The following MAN1A1 variants were observed in gnomAD, a reference collection of about 807,000 sequenced individuals.
MAN1A1 encodes mannosyl-oligosaccharide 1,2-alpha-mannosidase IA.
A neutral mutation model predicts 70.8 loss-of-function variants in MAN1A1; 29 were observed. The observed-to-expected ratio is 0.41, with a 90% CI of 0.31 to 0.56. The LOEUF (loss-of-function observed/expected upper bound fraction) is 0.56, where lower values mean the gene tolerates loss of function less well. Among genes scored for constraint, MAN1A1 ranks in the 20% least tolerant of loss-of-function variants. The pLI, the probability that MAN1A1 is intolerant of heterozygous loss-of-function variation, is 0.29. For missense variants in MAN1A1, 747 were observed against 841.3 expected, an observed-to-expected ratio of 0.89 and a Z score of 1.39; for synonymous variants, 349 against 330.1, an observed-to-expected ratio of 1.06 and a Z score of -0.62.
chr6:119,285,826 C>A (rs569357762), intron 5 of MAN1A1, among the ~76,000 whole-genome samples: 1 of 152,096 alleles, frequency 6.6e-6, no homozygotes, highest in African/African-American at 2.4e-5. Flanking sequence ...TTGTTTATAC[C>A]ACATATTTCT....
At chr6:119,207,246 C>T (rs535722629) in intron 6 of MAN1A1, among the ~76,000 whole-genome samples, 2 of 151,892 alleles carry the variant, frequency 1.3e-5, no homozygotes, top group South Asian at 4.2e-4. Context: ...CTGTCACCAC[C>T]CCCCCAACCC....
chr6:119,249,869 ACT>A lies in MAN1A1; in HGVS notation c.898-1517_898-1516del, dbSNP rs1329741261. The stretch of plus-strand genomic sequence containing the variant: ...CATACCACAGATCTTTTGGAATCTA[ACT>A]CTCATTTAGTAGTGGAAGTCAATAA... On this transcript the variant is annotated intron_variant, in intron 5 of 12. Coordinates refer to ENST00000368468, the MANE Select transcript of MAN1A1 (RefSeq NM_005907.4). 2.0e-5 allele frequency among the ~76,000 whole-genome samples: 3 copies of A among 152,076 alleles called. No individual in the cohort carries two copies. In the East Asian group the frequency reaches 5.8e-4, roughly 29 times the overall value.
intron 5 of MAN1A1, among the ~76,000 whole-genome samples, chr6:119,252,183 G>A (rs778519166): frequency 6.6e-6 from 1 of 152,174 alleles, no homozygotes; most frequent in African/African-American, 2.4e-5. Flanking sequence ...TAAGATTAAT[G>A]ATTAGGTGGG....
intron 7 of MAN1A1, among the ~76,000 whole-genome samples, chr6:119,202,522 T>C (rs1248348882): frequency 6.6e-6 from 1 of 152,212 alleles, no homozygotes; most frequent in East Asian, 1.9e-4. Context: ...TAGTAGTACA[T>C]AAATCAGTAA....
intron 5 of MAN1A1, among the ~76,000 whole-genome samples, chr6:119,270,923 T>C (rs747103337): frequency 1.3e-5 from 2 of 152,226 alleles, no homozygotes; most frequent in Non-Finnish European, 2.9e-5. Flanking sequence ...TTTCTGTGAA[T>C]ATTGCAGTTT....
chr6:119,311,964 C>T (rs1456019565), intron 2 of MAN1A1, among the ~76,000 whole-genome samples: 4 of 152,164 alleles, frequency 2.6e-5, no homozygotes, highest in Admixed American at 1.3e-4. Flanking sequence ...TTGGTGTTGG[C>T]GGGCTCTTGA....
chr6:119,238,201 T>C (rs1429065346), intron 6 of MAN1A1, among the ~76,000 whole-genome samples: 1 of 152,196 alleles, frequency 6.6e-6, no homozygotes, highest in East Asian at 1.9e-4. Flanking sequence ...AGATATTCTA[T>C]AGTTCTCAGT....
intron 11 of MAN1A1, among the ~76,000 whole-genome samples, chr6:119,184,337 G>C (rs1224171175): frequency 6.6e-6 from 1 of 152,198 alleles, no homozygotes; most frequent in African/African-American, 2.4e-5. Context: ...ATATGAGAAT[G>C]TTTATAATGA....
intron 2 of MAN1A1, among the ~76,000 whole-genome samples, chr6:119,312,497 C>A (rs1772738066): frequency 6.6e-6 from 1 of 152,126 alleles, no homozygotes; most frequent in African/African-American, 2.4e-5. Flanking sequence ...AAGAGAATTT[C>A]TCCATGGATC....
At chr6:119,252,802 A>T (rs150640044) in intron 5 of MAN1A1, among the ~76,000 whole-genome samples, 2,191 of 152,016 alleles carry the variant, frequency 0.014, 33 homozygotes, top group African/African-American at 0.04. Context: ...AAAAAAAAAT[A>T]AAAAAAATAA....
chr6:119,188,886 C>A (rs924475777), intron 10 of MAN1A1, among the ~76,000 whole-genome samples: 5 of 152,062 alleles, frequency 3.3e-5, no homozygotes, highest in Non-Finnish European at 7.4e-5. Flanking sequence ...AAGATAAGAA[C>A]AAAAACTCTA....
chr6:119,186,055 T>C (rs530142485), intron 11 of MAN1A1, among the ~76,000 whole-genome samples: 40 of 152,088 alleles, frequency 2.6e-4, no homozygotes, highest in South Asian at 2.5e-3. Flanking sequence ...CTTCGGATAA[T>C]TGAGGAGCTG....
At chr6:119,312,484 T>C (rs1772737834) in intron 2 of MAN1A1, among the ~76,000 whole-genome samples, 1 of 152,134 alleles carries the variant, frequency 6.6e-6, no homozygotes, top group African/African-American at 2.4e-5. Flanking sequence ...ACTTATCCAT[T>C]GGAAGAGAAT....
At chr6:119,231,929 A>G (rs1035845316) in intron 6 of MAN1A1, among the ~76,000 whole-genome samples, 2 of 152,224 alleles carry the variant, frequency 1.3e-5, no homozygotes, top group Non-Finnish European at 1.5e-5. Context: ...CTTTAGAGAA[A>G]GATTTTGAAC....
At chr6:119,262,844 T>G (rs1386444826) in intron 5 of MAN1A1, among the ~76,000 whole-genome samples, 1 of 152,212 alleles carries the variant, frequency 6.6e-6, no homozygotes, top group Non-Finnish European at 1.5e-5. Context: ...TCAACTTGAT[T>G]GGACTGAGGG....
At chr6:119,232,814 T>C (rs530051718) in intron 6 of MAN1A1, among the ~76,000 whole-genome samples, 2 of 152,172 alleles carry the variant, frequency 1.3e-5, no homozygotes, top group South Asian at 4.2e-4. Context: ...ATTCATAATT[T>C]TCCTGACTCC....
rs185156196 is a variant in MAN1A1, at chr6:119,244,546, A to T, written c.992+3714T>A. Among the ~76,000 whole-genome samples the T allele has an allele frequency of 1.2e-3, 182 of 151,754 alleles. 1 individual carries two copies. The highest frequency in any genetic ancestry group is 4.1e-3 in the African/African-American group (171 of 41,392). ...AGATGTGGCAGAAAAGACAATTAAA[A>T]TTTTTTTTTCTGAACCGCTTTTGGG... On this transcript the variant is annotated intron_variant, in intron 6 of 12. Transcript: ENST00000368468.
chr6:119,226,388 C>G (rs1774515261), intron 6 of MAN1A1, among the ~76,000 whole-genome samples: 1 of 152,084 alleles, frequency 6.6e-6, no homozygotes, highest in African/African-American at 2.4e-5. Flanking sequence ...CGAGGGAACC[C>G]TAATCTTTAA....
Position 119,306,980 on chromosome 6 carries a change from C to A in MAN1A1, c.616G>T (p.Ala206Ser). The change falls in exon 3 of 13, where the codon GCT becomes TCT. Residue 206 changes from alanine to serine, a missense_variant. By Grantham distance (99) the Ala-to-Ser change is moderately conservative. Coordinates refer to ENST00000368468, the MANE Select transcript of MAN1A1 (RefSeq NM_005907.4). ...GCATAACCTTTATAATTATTCCAAG[C>A]ATGTTTCATCATCTGAAAAAAAAAA... Reference protein sequence around the residue: ...RAKIKEMMKHAWNNYKGYAWG... With the variant: ...RAKIKEMMKHSWNNYKGYAWG... 1 of 1,567,178 alleles carries A rather than the reference C, an allele frequency of 6.4e-7. No individual in the cohort carries two copies. The highest frequency in any genetic ancestry group is 8.8e-7 in the Non-Finnish European group (1 of 1,140,844).
Sources: allele counts gnomAD v4.1 joint callset (sites outside exome capture counted in the v4.1 genomes callset), GRCh38; gene constraint gnomAD v4.1.1; transcripts MANE v1.5; gene names NCBI Gene and HGNC (gene_info 2026-07-23, HGNC 2026-07-21).